Variants in AGTPBP1 observed in about 807,000 individuals in gnomAD.
AGTPBP1 encodes cytosolic carboxypeptidase 1.
AGTPBP1 carries 70 observed loss-of-function variants against 143.9 expected under a neutral mutation model. That is an observed-to-expected ratio of 0.49 (90% CI 0.40 to 0.59). The LOEUF is 0.59. Among genes scored for constraint, AGTPBP1 ranks in the 20% least tolerant of loss-of-function variants. The pLI is 0.00. For synonymous variants in AGTPBP1, 463 were observed against 500.2 expected (o/e 0.93, Z 0.99); for missense variants, 1,229 against 1,464.5 (o/e 0.84, Z 2.62).
chr9:85,749,152 A>T, the AGTPBP1 span, among the ~76,000 whole-genome samples: 1 of 151,590 alleles, frequency 6.6e-6, no homozygotes, highest in East Asian at 1.9e-4. Context: ...ATGCCAGCGT[A>T]CCTCACACAT....
At chr9:85,703,540 T>C (rs1160838215) in intron 2 of AGTPBP1, among the ~76,000 whole-genome samples, 1 of 152,226 alleles carries the variant, frequency 6.6e-6, no homozygotes, top group Non-Finnish European at 1.5e-5. Flanking sequence ...AATGAAAAGA[T>C]TGTCAAGGAT....
chr9:85,582,269 C>T (rs1394855915), intron 23 of AGTPBP1, among the ~76,000 whole-genome samples: 1 of 152,186 alleles, frequency 6.6e-6, no homozygotes, highest in Middle Eastern at 3.2e-3. Context: ...CAGAATCTCA[C>T]ATTGCATTTA....
At chr9:85,758,645 A>T in the AGTPBP1 span, among the ~76,000 whole-genome samples, 1 of 152,192 alleles carries the variant, frequency 6.6e-6, no homozygotes, top group Non-Finnish European at 1.5e-5. Context: ...ACTCCATCTC[A>T]ACAAAAAGGG....
the AGTPBP1 span, among the ~76,000 whole-genome samples, chr9:85,795,587 C>T: frequency 6.6e-6 from 1 of 152,126 alleles, no homozygotes; most frequent in South Asian, 2.1e-4. Context: ...CCGGTCTCTG[C>T]TTTTAAGGGG....
chr9:85,764,607 A>T, the AGTPBP1 span: 17 of 579,416 alleles, frequency 2.9e-5, no homozygotes, highest in Middle Eastern at 2.2e-3. Flanking sequence ...AAAACTAAAA[A>T]TATATTCATT....
intron 2 of AGTPBP1, among the ~76,000 whole-genome samples, chr9:85,706,509 C>CA (rs781239393): frequency 0.11 from 6,796 of 61,958 alleles, 254 homozygotes; most frequent in African/African-American, 0.2. Flanking sequence ...GACTCTGTCT[C>CA]AAAAAAAAAA....
chr9:85,706,714 C>CA (rs908847449), intron 2 of AGTPBP1, among the ~76,000 whole-genome samples: 10 of 148,046 alleles, frequency 6.8e-5, no homozygotes, highest in African/African-American at 1.5e-4. Context: ...ACTAAAAATA[C>CA]AAAAAAAAAG....
chr9:85,696,811 CAG>C (rs1836278085), intron 2 of AGTPBP1, among the ~76,000 whole-genome samples: 1 of 152,234 alleles, frequency 6.6e-6, no homozygotes, highest in Middle Eastern at 3.4e-3. Context: ...TTTAATGTAA[CAG>C]AGTACAAAAG....
At chr9:85,783,554 C>T in the AGTPBP1 span, among the ~76,000 whole-genome samples, 1 of 151,768 alleles carries the variant, frequency 6.6e-6, no homozygotes, top group Non-Finnish European at 1.5e-5. Flanking sequence ...ACATCAAACT[C>T]TGAGTTCCAT....
intron 8 of AGTPBP1, among the ~76,000 whole-genome samples, chr9:85,669,004 TGTGTATAC>T (rs1417400058): frequency 3.4e-4 from 26 of 76,624 alleles, no homozygotes; most frequent in African/African-American, 1.3e-3. Flanking sequence ...TGTGTGTGTG[TGTGTATAC>T]ATACACACAC....
chr9:85,551,347 G>C (rs1826028686), intron 25 of AGTPBP1, among the ~76,000 whole-genome samples: 1 of 152,150 alleles, frequency 6.6e-6, no homozygotes, highest in Non-Finnish European at 1.5e-5. Context: ...CTCATCTTCA[G>C]ATGTTCATCC....
chr9:85,619,825 G>C (rs556522501), intron 15 of AGTPBP1, among the ~76,000 whole-genome samples: 1 of 152,024 alleles, frequency 6.6e-6, no homozygotes, highest in African/African-American at 2.4e-5. Context: ...TTGGTTCCCC[G>C]ACTGAATGCA....
the AGTPBP1 span, among the ~76,000 whole-genome samples, chr9:85,798,995 C>G: frequency 6.6e-6 from 1 of 152,108 alleles, no homozygotes; most frequent in African/African-American, 2.4e-5. Flanking sequence ...CTATCCCTCC[C>G]GACAGGCCCT....
upstream of AGTPBP1, among the ~76,000 whole-genome samples, chr9:85,745,280 A>G (rs1246929496): frequency 6.6e-6 from 1 of 152,234 alleles, no homozygotes; most frequent in East Asian, 1.9e-4. Flanking sequence ...GTCTACAGCA[A>G]TTTCCATCTA....
intron 13 of AGTPBP1, among the ~76,000 whole-genome samples, chr9:85,642,543 A>G (rs1832549777): frequency 6.6e-6 from 1 of 151,754 alleles, no homozygotes; most frequent in Non-Finnish European, 1.5e-5. Flanking sequence ...TCTGTTGGCC[A>G]GGATGATCTT....
intron 12 of AGTPBP1, 82 bp from the exon 13 acceptor site, chr9:85,643,025 C>A: frequency 1.1e-6 from 1 of 869,716 alleles, no homozygotes; most frequent in Non-Finnish European, 1.8e-6. Context: ...TAAAATGTTC[C>A]AAGTTATTAA....
At chr9:85,754,912 T>C in the AGTPBP1 span, among the ~76,000 whole-genome samples, 1,647 of 152,284 alleles carry the variant, frequency 0.011, 17 homozygotes, top group African/African-American at 0.038. Context: ...TAAGAATGTT[T>C]GTAGAATATA....
intron 2 of AGTPBP1, among the ~76,000 whole-genome samples, chr9:85,707,285 C>T (rs1043913537): frequency 2.6e-5 from 4 of 151,792 alleles, no homozygotes; most frequent in East Asian, 3.8e-4. Flanking sequence ...CACAGTAGAA[C>T]GGAAATCTTT....
chr9:85,642,769 GA>G (rs1442461040), intron 13 of AGTPBP1, 57 bp downstream of exon 13: 47 of 1,339,580 alleles, frequency 3.5e-5, no homozygotes, highest in African/African-American at 5.9e-5. Flanking sequence ...CGACCTAAGG[GA>G]AAAAAAATAA....
Sources: allele counts gnomAD v4.1 joint callset (sites outside exome capture counted in the v4.1 genomes callset), GRCh38; gene constraint gnomAD v4.1.1; transcripts MANE v1.5; gene names NCBI Gene and HGNC (gene_info 2026-07-23, HGNC 2026-07-21).